SMOC2: variants seen among roughly 807,000 people sequenced by gnomAD.
The protein encoded by SMOC2 is SPARC related modular calcium binding 2.
SMOC2 carries 39 observed loss-of-function variants against 61.4 expected under a neutral mutation model. The ratio of observed to expected loss-of-function variants is 0.64; its 90% CI spans 0.49 to 0.83. The LOEUF (loss-of-function observed/expected upper bound fraction) is 0.83, where lower values mean the gene tolerates loss of function less well. SMOC2 is among the 40% of genes least tolerant of loss of function. The pLI is 0.00. For missense variants in SMOC2, 556 were observed against 592.9 expected, an observed-to-expected ratio of 0.94 and a Z score of 0.65; for synonymous variants, 247 against 239.9, an observed-to-expected ratio of 1.03 and a Z score of -0.27.
chr6:168,517,318 C>A (rs1020793929), intron 2 of SMOC2, among the ~76,000 whole-genome samples: 8 of 152,228 alleles, frequency 5.3e-5, no homozygotes, highest in African/African-American at 1.9e-4. Flanking sequence ...TGAGGCCCAG[C>A]AGGGGTTTGG....
intron 1 of SMOC2, among the ~76,000 whole-genome samples, chr6:168,495,636 C>T (rs576819739): frequency 2.6e-5 from 4 of 152,218 alleles, no homozygotes; most frequent in African/African-American, 9.6e-5. Flanking sequence ...TGGGGAGCAG[C>T]GCTTCGCAAA....
At chr6:168,494,289 G>A (rs1278701012) in intron 1 of SMOC2, among the ~76,000 whole-genome samples, 1 of 152,204 alleles carries the variant, frequency 6.6e-6, no homozygotes, top group Non-Finnish European at 1.5e-5. Context: ...CTGGGCTCAG[G>A]TAGTTCAGTG....
At chr6:168,515,681 C>T (rs556169817) in intron 2 of SMOC2, among the ~76,000 whole-genome samples, 53 of 40,574 alleles carry the variant, frequency 1.3e-3, no homozygotes, top group Middle Eastern at 0.012. Flanking sequence ...CTGTTAGTCA[C>T]TTACACACTC....
chr6:168,478,252 A>AGGACAGTCCAAAAT (rs1782134155), intron 1 of SMOC2, among the ~76,000 whole-genome samples: 1 of 152,230 alleles, frequency 6.6e-6, no homozygotes, highest in African/African-American at 2.4e-5. Context: ...GGACCACAAG[A>AGGACAGTCCAAAAT]GGACAGTCCA....
intron 7 of SMOC2, among the ~76,000 whole-genome samples, chr6:168,583,318 C>T (rs922054886): frequency 4.0e-5 from 6 of 151,594 alleles, no homozygotes; most frequent in Admixed American, 1.3e-4. Flanking sequence ...CACTCCTTCC[C>T]GGCTCCAATG....
At chr6:168,655,259 G>A in intron 11 of SMOC2, 1 of 383,194 alleles carries the variant, frequency 2.6e-6, no homozygotes, top group Non-Finnish European at 5.3e-6. Flanking sequence ...CTGCACCTGA[G>A]CTCCAACTAA....
intron 2 of SMOC2, among the ~76,000 whole-genome samples, chr6:168,512,152 C>CGT (rs1783024448): frequency 6.6e-6 from 1 of 152,066 alleles, no homozygotes; most frequent in Admixed American, 6.5e-5. Flanking sequence ...CAGGAGGGCC[C>CGT]GAGAGGGAAG....
chr6:168,606,752 C>A (rs189587733), intron 8 of SMOC2, among the ~76,000 whole-genome samples: 5 of 151,790 alleles, frequency 3.3e-5, no homozygotes, highest in African/African-American at 1.2e-4. Flanking sequence ...GGCTCCGGGC[C>A]GGACCCCCTC....
intron 8 of SMOC2, among the ~76,000 whole-genome samples, 190 bp downstream of exon 8, chr6:168,599,194 T>C (rs1174016805): frequency 1.1e-4 from 10 of 93,998 alleles, no homozygotes; most frequent in African/African-American, 1.3e-4. Context: ...CACACACTCA[T>C]ACCACACACA....
At chr6:168,538,990 G>A (rs981313027) in intron 4 of SMOC2, among the ~76,000 whole-genome samples, 14 of 152,156 alleles carry the variant, frequency 9.2e-5, no homozygotes, top group East Asian at 3.9e-4. Context: ...CAGGGACGCC[G>A]GCAGTCAACT....
intron 6 of SMOC2, among the ~76,000 whole-genome samples, chr6:168,548,518 T>C (rs971917148): frequency 8.6e-5 from 7 of 81,336 alleles, no homozygotes; most frequent in Non-Finnish European, 1.5e-4. Flanking sequence ...CCACCACCCC[T>C]GGCTATTTTT....
At chr6:168,505,140 A>G (rs1386575181) in intron 1 of SMOC2, among the ~76,000 whole-genome samples, 3 of 150,000 alleles carry the variant, frequency 2.0e-5, no homozygotes, top group African/African-American at 7.3e-5. Context: ...ACTGAATGAA[A>G]TGTCCATCTC....
intron 1 of SMOC2, among the ~76,000 whole-genome samples, chr6:168,506,802 A>G (rs1476089802): frequency 1.3e-5 from 2 of 152,268 alleles, no homozygotes; most frequent in Non-Finnish European, 2.9e-5. Flanking sequence ...CATTTAGCAA[A>G]GTACTTTTTA....
intron 11 of SMOC2, among the ~76,000 whole-genome samples, chr6:168,663,698 A>C (rs1251962897): frequency 1.3e-5 from 2 of 152,238 alleles, no homozygotes; most frequent in Admixed American, 1.3e-4. Flanking sequence ...TGCATCAAAA[A>C]TGCTCAGAGA....
At chr6:168,666,015 G>A (rs758514726) in intron 12 of SMOC2, among the ~76,000 whole-genome samples, 2 of 150,610 alleles carry the variant, frequency 1.3e-5, no homozygotes, top group Non-Finnish European at 3.0e-5. Flanking sequence ...TTCTTAAAGA[G>A]GTAAACTAGT....
intron 9 of SMOC2, among the ~76,000 whole-genome samples, chr6:168,608,804 T>C (rs1785778716): frequency 6.6e-6 from 1 of 152,220 alleles, no homozygotes; most frequent in Non-Finnish European, 1.5e-5. Flanking sequence ...TTAAGAAGCT[T>C]CAAAGCTACT....
intron 7 of SMOC2, among the ~76,000 whole-genome samples, chr6:168,552,854 C>T (rs1784159661): frequency 6.9e-6 from 1 of 143,984 alleles, no homozygotes; most frequent in Non-Finnish European, 1.5e-5. Flanking sequence ...TTGCTCACTC[C>T]AGGCCCCAGC....
intron 9 of SMOC2, among the ~76,000 whole-genome samples, chr6:168,642,456 A>G (rs2115262834): frequency 6.6e-6 from 1 of 152,338 alleles, no homozygotes; most frequent in Middle Eastern, 3.4e-3. Flanking sequence ...ATATATAAGG[A>G]GGCAGCTTCA....
intron 7 of SMOC2, among the ~76,000 whole-genome samples, chr6:168,574,676 G>A (rs12209073): frequency 0.089 from 13,467 of 152,012 alleles, 636 homozygotes; most frequent in East Asian, 0.13. Flanking sequence ...TAGGGGGTCC[G>A]GTGGGTGACA....
Sources: allele counts gnomAD v4.1 joint callset (sites outside exome capture counted in the v4.1 genomes callset), GRCh38; gene constraint gnomAD v4.1.1; transcripts MANE v1.5; gene names NCBI Gene and HGNC (gene_info 2026-07-23, HGNC 2026-07-21).